The following RMST variants were observed in gnomAD, a reference collection of about 807,000 sequenced individuals.
RMST encodes the protein rhabdomyosarcoma 2 associated transcript.
chr12:97,512,690 T>G (rs948808100), intron 10 of RMST, among the ~76,000 whole-genome samples: 6 of 152,210 alleles, frequency 3.9e-5, no homozygotes, highest in Non-Finnish European at 8.8e-5. Flanking sequence ...GGTCTCCACA[T>G]CCCCACCAGA....
intron 10 of RMST, among the ~76,000 whole-genome samples, chr12:97,521,967 G>C (rs1880560676): frequency 6.6e-6 from 1 of 152,094 alleles, no homozygotes; most frequent in African/African-American, 2.4e-5. Flanking sequence ...TCACATACTT[G>C]ATTGCTGTGT....
chr12:97,513,954 T>C (rs1239033903), intron 10 of RMST, among the ~76,000 whole-genome samples: 1 of 152,210 alleles, frequency 6.6e-6, no homozygotes, highest in Admixed American at 6.5e-5. Context: ...TTTGTTCCAC[T>C]GTAGGACTGG....
intron 10 of RMST, among the ~76,000 whole-genome samples, chr12:97,496,340 G>A (rs918065068): frequency 2.6e-5 from 4 of 152,110 alleles, no homozygotes; most frequent in Non-Finnish European, 4.4e-5. Context: ...AGAAGAATTA[G>A]AAGAATTCCA....
At chr12:97,494,594 C>T (rs906900811) in intron 8 of RMST, 1 of 151,924 alleles carries the variant, frequency 6.6e-6, no homozygotes, top group African/African-American at 2.4e-5. Context: ...AATTCCTGCA[C>T]ATTCACAGTA....
At chr12:97,481,517 A>G (rs1416546632) in intron 5 of RMST, among the ~76,000 whole-genome samples, 1 of 152,184 alleles carries the variant, frequency 6.6e-6, no homozygotes, top group Non-Finnish European at 1.5e-5. Flanking sequence ...TTATTTATCC[A>G]CATTTCAGAT....
At chr12:97,513,307 C>T (rs2136525343) in intron 10 of RMST, among the ~76,000 whole-genome samples, 1 of 152,346 alleles carries the variant, frequency 6.6e-6, no homozygotes, top group South Asian at 2.1e-4. Flanking sequence ...CTCTCAGTTA[C>T]AAAGCCCTAT....
chr12:97,527,144 C>G (rs79993418), intron 10 of RMST, among the ~76,000 whole-genome samples: 1,843 of 152,164 alleles, frequency 0.012, 24 homozygotes, highest in Non-Finnish European at 0.015. Flanking sequence ...CTTAATTAAA[C>G]GTATTGAAGT....
intron 10 of RMST, among the ~76,000 whole-genome samples, chr12:97,500,221 T>G (rs995292087): frequency 1.3e-5 from 2 of 152,182 alleles, no homozygotes; most frequent in African/African-American, 4.8e-5. Flanking sequence ...CGTCCGCTGG[T>G]AAACAGAAGC....
intron 10 of RMST, among the ~76,000 whole-genome samples, chr12:97,507,949 G>C (rs1259137972): frequency 6.6e-6 from 1 of 152,192 alleles, no homozygotes; most frequent in South Asian, 2.1e-4. Flanking sequence ...ACTCAGACCA[G>C]AGTAGCCCTA....
At chr12:97,498,461 A>G (rs922799043) in intron 10 of RMST, among the ~76,000 whole-genome samples, 4 of 152,224 alleles carry the variant, frequency 2.6e-5, no homozygotes, top group Non-Finnish European at 5.9e-5. Context: ...AAGATTAAAC[A>G]GGATAATGAG....
intron 11 of RMST, among the ~76,000 whole-genome samples, chr12:97,554,164 T>C (rs6538807): frequency 0.82 from 124,975 of 151,762 alleles, 51,937 homozygotes; most frequent in Middle Eastern, 0.92. Context: ...ATGTTGGTCA[T>C]GCTGGTCTTG....
intron 10 of RMST, among the ~76,000 whole-genome samples, chr12:97,515,564 T>C (rs1385465527): frequency 6.6e-6 from 1 of 152,046 alleles, no homozygotes; most frequent in Non-Finnish European, 1.5e-5. Context: ...GTACCAAACA[T>C]AGTATCAAAC....
chr12:97,493,825 A>C (rs1286659265), intron 7 of RMST: 1 of 152,210 alleles, frequency 6.6e-6, no homozygotes, highest in Non-Finnish European at 1.5e-5. Flanking sequence ...AGATTTCTTA[A>C]AGCTAAAAAA....
At chr12:97,479,863 C>T (rs1463900031) in intron 5 of RMST, among the ~76,000 whole-genome samples, 1 of 152,148 alleles carries the variant, frequency 6.6e-6, no homozygotes, top group Non-Finnish European at 1.5e-5. Flanking sequence ...CCATGTCCAA[C>T]AGGCACCCTC....
chr12:97,564,281 C>T (rs899627181), exon 14 of RMST: 5 of 173,100 alleles, frequency 2.9e-5, no homozygotes, highest in African/African-American at 1.2e-4. Flanking sequence ...CAGACTTGCC[C>T]TCTTGGAAAT....
chr12:97,555,490 A>T (rs2136660409), intron 11 of RMST, among the ~76,000 whole-genome samples: 1 of 152,350 alleles, frequency 6.6e-6, no homozygotes. Flanking sequence ...AATAGCAGTT[A>T]AAAGAAAGTA....
intron 11 of RMST, among the ~76,000 whole-genome samples, chr12:97,540,555 C>G (rs750113858): frequency 1.3e-5 from 2 of 151,652 alleles, no homozygotes; most frequent in African/African-American, 2.4e-5. Flanking sequence ...CTAAGCAAAG[C>G]TTGTAGACGG....
chr12:97,478,375 G>A (rs1874809328), intron 5 of RMST, among the ~76,000 whole-genome samples: 1 of 152,154 alleles, frequency 6.6e-6, no homozygotes, highest in Admixed American at 6.5e-5. Flanking sequence ...TCTCTTAACT[G>A]AAAATTCTGG....
At chr12:97,502,599 A>T (rs1285842938) in intron 10 of RMST, among the ~76,000 whole-genome samples, 5 of 151,950 alleles carry the variant, frequency 3.3e-5, no homozygotes, top group African/African-American at 1.2e-4. Context: ...TAGCTCAGAC[A>T]ACAAGCTCAT....
Sources: gnomAD v4.1 joint callset for allele counts (sites outside exome capture counted in the v4.1 genomes callset) on GRCh38, gnomAD v4.1.1 for gene constraint, MANE v1.5 for transcripts, NCBI Gene and HGNC (gene_info 2026-07-23, HGNC 2026-07-21) for gene names.